RABL3: variants seen among roughly 807,000 people sequenced by gnomAD.
RABL3 encodes the protein rab-like protein 3.
RABL3 carries 31 observed loss-of-function variants against 31.8 expected under a neutral mutation model. The observed-to-expected ratio is 0.97, with a 90% confidence interval of 0.73 to 1.31. RABL3 has a LOEUF of 1.31. Among genes scored for constraint, RABL3 ranks in the 40% most tolerant of loss-of-function variants. The pLI is 0.00. For synonymous variants in RABL3, 97 were observed against 99.9 expected (o/e 0.97, Z 0.18); for missense variants, 263 against 279.6 (o/e 0.94, Z 0.42).
chr3:120,702,216 C>T (rs1406854657), intron 4 of RABL3, among the ~76,000 whole-genome samples: 1 of 152,148 alleles, frequency 6.6e-6, no homozygotes, highest in East Asian at 1.9e-4. Flanking sequence ...ACAACAGTCC[C>T]CAACCTTTTT....
At chr3:120,704,443 CA>C (rs1187582128) in intron 4 of RABL3, among the ~76,000 whole-genome samples, 1 of 151,726 alleles carries the variant, frequency 6.6e-6, no homozygotes, top group African/African-American at 2.4e-5. Flanking sequence ...ATGATGTCAA[CA>C]AAAAAAACCT....
At chr3:120,713,580 C>T (rs188052716) in intron 2 of RABL3, among the ~76,000 whole-genome samples, 1,685 of 152,230 alleles carry the variant, frequency 0.011, 30 homozygotes, top group African/African-American at 0.039. Flanking sequence ...GGATCTGATA[C>T]TTAAAGTCAT....
At chr3:120,692,344 G>A (rs1380247301) in intron 6 of RABL3, among the ~76,000 whole-genome samples, 6 of 151,946 alleles carry the variant, frequency 3.9e-5, no homozygotes, top group Non-Finnish European at 7.4e-5. Flanking sequence ...GACTACAGGC[G>A]CCCGCCACCA....
chr3:120,714,795 T>C (rs1708649822), intron 2 of RABL3, among the ~76,000 whole-genome samples: 2 of 152,212 alleles, frequency 1.3e-5, no homozygotes, highest in South Asian at 4.1e-4. Flanking sequence ...CTCTTTGCTC[T>C]TGTCGTTCAT....
At chr3:120,691,192 G>A (rs1708376212) in intron 6 of RABL3, among the ~76,000 whole-genome samples, 1 of 152,120 alleles carries the variant, frequency 6.6e-6, no homozygotes, top group African/African-American at 2.4e-5. Context: ...AGAGCACCAT[G>A]TTTTCATTTT....
intron 4 of RABL3, among the ~76,000 whole-genome samples, chr3:120,699,561 A>G (rs1282955222): frequency 2.0e-5 from 3 of 152,208 alleles, no homozygotes; most frequent in East Asian, 1.9e-4. Context: ...TGCACAATTT[A>G]TGACAGTAAA....
At chr3:120,733,350 A>G (rs2107596552) in intron 1 of RABL3, among the ~76,000 whole-genome samples, 1 of 152,238 alleles carries the variant, frequency 6.6e-6, no homozygotes, top group East Asian at 1.9e-4. Flanking sequence ...TTTTGGCTGC[A>G]TAAATGTCTT....
chr3:120,735,681 T>C (rs1044560793), intron 1 of RABL3, among the ~76,000 whole-genome samples: 2 of 152,214 alleles, frequency 1.3e-5, no homozygotes, highest in Admixed American at 1.3e-4. Context: ...TGTGGGCATT[T>C]AGTGCTATAA....
intron 2 of RABL3, 71 bp from the exon 3 acceptor site, chr3:120,709,980 T>C: frequency 6.9e-6 from 8 of 1,160,962 alleles, no homozygotes; most frequent in Non-Finnish European, 9.8e-6. Context: ...TATTCCGGTT[T>C]AAAGCATTTC....
chr3:120,740,020 T>C (rs1709022461), intron 1 of RABL3, among the ~76,000 whole-genome samples: 1 of 152,228 alleles, frequency 6.6e-6, no homozygotes, highest in East Asian at 1.9e-4. Context: ...ATTCTGATTC[T>C]ATGTTTTCAC....
intron 7 of RABL3, 67 bp downstream of exon 7, chr3:120,690,382 G>T (rs767849238): frequency 7.2e-5 from 85 of 1,186,094 alleles, no homozygotes; most frequent in Non-Finnish European, 1.0e-4. Context: ...AACTACTTCT[G>T]AACTTAAATT....
At chr3:120,734,504 C>A (rs1416206846) in intron 1 of RABL3, among the ~76,000 whole-genome samples, 1 of 152,210 alleles carries the variant, frequency 6.6e-6, no homozygotes, top group East Asian at 1.9e-4. Flanking sequence ...GACAATTTGA[C>A]TTCCTCTTTT....
intron 5 of RABL3, 116 bp from the exon 6 acceptor site, chr3:120,694,340 C>A: frequency 1.7e-6 from 1 of 603,860 alleles, no homozygotes; most frequent in Non-Finnish European, 3.0e-6. Flanking sequence ...GCACAATACT[C>A]TCACAAAATA....
chr3:120,699,291 G>T (rs987522342), intron 4 of RABL3, among the ~76,000 whole-genome samples: 1 of 152,186 alleles, frequency 6.6e-6, no homozygotes, highest in African/African-American at 2.4e-5. Flanking sequence ...TGAGAGCCAT[G>T]GGAGATAGAG....
chr3:120,715,317 T>C (rs1708655639), intron 2 of RABL3, among the ~76,000 whole-genome samples: 2 of 152,198 alleles, frequency 1.3e-5, no homozygotes, highest in South Asian at 2.1e-4. Context: ...GGCAGGCAGA[T>C]CACTTGAGGC....
chr3:120,728,261 C>T (rs1338285680), intron 2 of RABL3, among the ~76,000 whole-genome samples: 1 of 152,140 alleles, frequency 6.6e-6, no homozygotes, highest in Non-Finnish European at 1.5e-5. Context: ...ATTTATTAAG[C>T]TTCTCTGATC....
intron 1 of RABL3, 99 bp downstream of exon 1, chr3:120,742,363 G>A (rs565887152): frequency 4.4e-6 from 5 of 1,146,648 alleles, no homozygotes; most frequent in Admixed American, 3.6e-5. Context: ...CTTCAGCCAC[G>A]GGCCGAGGAG....
rs759006152 is a variant in RABL3, at chr3:120,742,473, A to G, written c.35T>C (p.Leu12Ser). 4.3e-6 allele frequency: 7 copies of G among 1,614,130 alleles called. No homozygotes were observed. In the South Asian group the frequency reaches 7.7e-5, roughly 18 times the overall value. ...GGTAAGCCGCTCACCTGAGTCTCCCAACACCAGTACCTTCACCCGATCCAG... is the reference window on the plus strand; with the variant it reads ...GGTAAGCCGCTCACCTGAGTCTCCCGACACCAGTACCTTCACCCGATCCAG... The part of the protein sequence containing the change: ...ASLDRVKVLV[L>S]GDSGVGKSSL... Residue 12 changes from leucine (L) to serine (S), a missense_variant, in exon 1 of 8, where the codon TTG becomes TCG. Transcript: ENST00000273375.
At chr3:120,702,552 A>T (rs1443242873) in intron 4 of RABL3, among the ~76,000 whole-genome samples, 4 of 151,610 alleles carry the variant, frequency 2.6e-5, no homozygotes, top group African/African-American at 7.3e-5. Context: ...AGAGGAAGGG[A>T]AATTTTTCTT....
Sources: gnomAD v4.1 joint callset for allele counts (sites outside exome capture counted in the v4.1 genomes callset) on GRCh38, gnomAD v4.1.1 for gene constraint, MANE v1.5 for transcripts, NCBI Gene and HGNC (gene_info 2026-07-23, HGNC 2026-07-21) for gene names.